Variants in MTM1 observed in about 807,000 individuals in gnomAD.
The protein encoded by MTM1 is myotubularin.
In MTM1, 9 loss-of-function variants were observed where a neutral mutation model predicts 52.1. The ratio of observed to expected loss-of-function variants is 0.17; its 90% confidence interval spans 0.10 to 0.30. The LOEUF is 0.30. Ranked by LOEUF, MTM1 falls within the 10% of genes least tolerant of loss-of-function variation. MTM1 has a pLI of 1.00. For missense variants in MTM1, 277 were observed against 470.7 expected (o/e 0.59, Z 3.81); for synonymous variants, 136 against 163.8 (o/e 0.83, Z 1.29).
intron 6 of MTM1, among the ~76,000 whole-genome samples, chrX:150,628,794 G>A (rs2039615378): frequency 1.8e-5 from 2 of 108,178 alleles, no homozygotes; most frequent in Admixed American, 2.0e-4. Context: ...GAGTGCAGTG[G>A]TGTGATCACA....
intron 5 of MTM1, among the ~76,000 whole-genome samples, chrX:150,618,481 C>T (rs1399139552): frequency 1.8e-5 from 2 of 110,092 alleles, no homozygotes; most frequent in African/African-American, 6.6e-5. Context: ...TGGAGAAACC[C>T]CATCTCTACT....
intron 11 of MTM1, 43 bp downstream of exon 11, chrX:150,658,070 T>G: frequency 9.7e-7 from 1 of 1,027,557 alleles, no homozygotes; most frequent in Non-Finnish European, 1.4e-6. Context: ...TCACTACCAT[T>G]CAGGATTTTA....
At chrX:150,606,083 T>C (rs1446978070) in intron 4 of MTM1, among the ~76,000 whole-genome samples, 2 of 110,645 alleles carry the variant, frequency 1.8e-5, no homozygotes, top group Admixed American at 9.6e-5. Flanking sequence ...ATTTGGCACC[T>C]CTTTTCATTT....
chrX:150,649,242 C>G (rs1370957493), intron 9 of MTM1, among the ~76,000 whole-genome samples: 3 of 112,539 alleles, frequency 2.7e-5, no homozygotes, highest in Non-Finnish European at 5.6e-5. Flanking sequence ...CTATCTCAGC[C>G]TGGGTCTGTC....
At position 150,660,503 on chromosome X, in the gene MTM1, T is replaced by G. The variant is rs782672472; in HGVS notation, c.1467+19T>G. On this transcript the variant is annotated intron_variant, in intron 13 of 14. Transcript: ENST00000370396. ...AAGACAGGTGAGTTAAAATGCTATTTTTTTTGATACATTAGGCTTGCCAAA... is the reference window on the plus strand; with the variant it reads ...AAGACAGGTGAGTTAAAATGCTATTGTTTTTGATACATTAGGCTTGCCAAA... 1.9e-6 allele frequency: 2 copies of G among 1,042,689 alleles called. No homozygotes were observed. Among genetic ancestry groups the G allele is most frequent in the African/African-American group, 1.8e-5 (1 of 54,110 alleles). The allele number at this position is 1,042,689 out of a possible 1,213,427, so 85.9% of individuals were successfully genotyped here.
intron 1 of MTM1, among the ~76,000 whole-genome samples, chrX:150,577,640 G>A (rs1345865510): frequency 1.8e-5 from 2 of 112,293 alleles, no homozygotes; most frequent in Non-Finnish European, 3.8e-5. Context: ...TCTGTCTGAA[G>A]TTGTGAGGGT....
intron 5 of MTM1, among the ~76,000 whole-genome samples, chrX:150,614,906 A>G (rs1483082118): frequency 1.8e-5 from 2 of 111,464 alleles, no homozygotes; most frequent in South Asian, 3.8e-4. Flanking sequence ...CACCAAATAC[A>G]AGGACTCGAG....
chrX:150,631,106 G>A (rs1290709740), intron 6 of MTM1, among the ~76,000 whole-genome samples: 1 of 112,092 alleles, frequency 8.9e-6, no homozygotes, highest in Non-Finnish European at 1.9e-5. Context: ...CAGGCTTCCA[G>A]AAGAAAAGCA....
At chrX:150,627,418 T>C (rs186050078) in intron 6 of MTM1, among the ~76,000 whole-genome samples, 3 of 110,934 alleles carry the variant, frequency 2.7e-5, no homozygotes, top group Non-Finnish European at 3.8e-5. Context: ...TCTTCAGTTT[T>C]ATCTTCTACT....
chrX:150,565,308 C>T (rs1273619990), upstream of MTM1, among the ~76,000 whole-genome samples: 1 of 112,259 alleles, frequency 8.9e-6, no homozygotes, highest in Admixed American at 9.4e-5. Flanking sequence ...TTCCCAAGGC[C>T]AACAGCTTGC....
chrX:150,671,541 A>G lies in MTM1; in HGVS notation c.1758A>G (p.Pro586=), dbSNP rs1454805516. Residue 586 remains proline, a synonymous_variant, in exon 15 of 15, where the codon CCA becomes CCG. Transcript: ENST00000370396. ...ACTCTGCCAAGCTTTCTGATCCCCC[A>G]ACTTCACCTTCCAGTCCTTCGCAAA... The part of the protein sequence containing the change: ...LANSAKLSDP[P]TSPSSPSQMM... 1.2e-5 allele frequency: 15 copies of G among 1,208,936 alleles called. No homozygotes were observed. The highest frequency in any genetic ancestry group is 1.7e-5 in the Non-Finnish European group (15 of 895,102).
At chrX:150,610,879 G>C (rs1296366147) in intron 4 of MTM1, among the ~76,000 whole-genome samples, 2 of 111,947 alleles carry the variant, frequency 1.8e-5, no homozygotes, top group Non-Finnish European at 3.8e-5. Flanking sequence ...GTTGATGCTA[G>C]AGTATCAGAC....
intron 7 of MTM1, among the ~76,000 whole-genome samples, chrX:150,640,700 C>T (rs5925397): frequency 0.26 from 29,278 of 110,859 alleles, 3,044 homozygotes; most frequent in South Asian, 0.47. Flanking sequence ...CGATTCCGAA[C>T]AACTTGATTG....
chrX:150,570,390 C>A (rs2038348247), intron 1 of MTM1, among the ~76,000 whole-genome samples: 1 of 111,634 alleles, frequency 9.0e-6, no homozygotes, highest in South Asian at 3.7e-4. Flanking sequence ...AGCTGCTGCT[C>A]CAGTAAAGGA....
At chrX:150,664,476 C>G (rs2040273286) in intron 14 of MTM1, among the ~76,000 whole-genome samples, 1 of 112,739 alleles carries the variant, frequency 8.9e-6, no homozygotes, top group Admixed American at 9.4e-5. Context: ...TGCCCTACCT[C>G]CTCACTGGAG....
chrX:150,617,835 G>A (rs2039411646), intron 5 of MTM1, among the ~76,000 whole-genome samples: 1 of 111,895 alleles, frequency 8.9e-6, no homozygotes, highest in South Asian at 3.7e-4. Context: ...GTCCAGCACA[G>A]CACTCCTTTA....
At chrX:150,657,056 A>T (rs1250211799) in intron 10 of MTM1, among the ~76,000 whole-genome samples, 6 of 110,852 alleles carry the variant, frequency 5.4e-5, no homozygotes, top group Admixed American at 3.8e-4. Flanking sequence ...ATTGTGGAAG[A>T]CAGTGTGGCG....
chrX:150,615,647 A>G (rs1340294863), intron 5 of MTM1, among the ~76,000 whole-genome samples: 1 of 111,784 alleles, frequency 8.9e-6, no homozygotes, highest in African/African-American at 3.3e-5. Context: ...GCCAGAACCA[A>G]AAACTAAGTC....
intron 6 of MTM1, among the ~76,000 whole-genome samples, chrX:150,636,262 G>A (rs2039752002): frequency 9.0e-6 from 1 of 111,616 alleles, no homozygotes; most frequent in South Asian, 3.7e-4. Flanking sequence ...AAAAATTGAT[G>A]TTGCTTCTGT....
Sources: allele counts gnomAD v4.1 joint callset (sites outside exome capture counted in the v4.1 genomes callset), GRCh38; gene constraint gnomAD v4.1.1; transcripts MANE v1.5; gene names NCBI Gene and HGNC (gene_info 2026-07-23, HGNC 2026-07-21).